The following PDE11A variants were observed in gnomAD, a reference collection of about 807,000 sequenced individuals.
PDE11A encodes the protein dual 3',5'-cyclic-AMP and -GMP phosphodiesterase 11A.
A neutral mutation model predicts 100.5 loss-of-function variants in PDE11A; 100 were observed. The ratio of observed to expected loss-of-function variants is 1.00; its 90% CI spans 0.85 to 1.18. The LOEUF (loss-of-function observed/expected upper bound fraction) is 1.18, where lower values mean the gene tolerates loss of function less well. Ranked by LOEUF, PDE11A falls within the 50% of genes most tolerant of loss-of-function variation. The pLI is 0.00. For missense variants in PDE11A, 1,141 were observed against 1,152.6 expected, an observed-to-expected ratio of 0.99 and a Z score of 0.15; for synonymous variants, 381 against 420.8, an observed-to-expected ratio of 0.91 and a Z score of 1.16.
intron 19 of PDE11A, among the ~76,000 whole-genome samples, chr2:177,659,261 CAG>C (rs766259070): frequency 1.6e-3 from 211 of 128,786 alleles, no homozygotes; most frequent in Non-Finnish European, 2.3e-3. Flanking sequence ...AATTCTATCT[CAG>C]GGGGAAAAAA....
chr2:177,750,634 G>C (rs990263966), intron 10 of PDE11A, among the ~76,000 whole-genome samples: 11 of 152,204 alleles, frequency 7.2e-5, no homozygotes, highest in African/African-American at 2.4e-4. Flanking sequence ...CCAGCTGATG[G>C]GCTTTGTAAA....
At chr2:177,853,014 C>A (rs2083742022) in intron 5 of PDE11A, among the ~76,000 whole-genome samples, 1 of 152,164 alleles carries the variant, frequency 6.6e-6, no homozygotes, top group African/African-American at 2.4e-5. Flanking sequence ...GCCGGTGTCA[C>A]TGTGCAGTTG....
At chr2:177,715,503 G>GT (rs943733577) in intron 12 of PDE11A, among the ~76,000 whole-genome samples, 6 of 150,988 alleles carry the variant, frequency 4.0e-5, no homozygotes, top group Non-Finnish European at 8.8e-5. Context: ...CTCTTCAGGA[G>GT]TTTTTTTCTG....
At chr2:177,921,277 T>C (rs916210141) in intron 2 of PDE11A, among the ~76,000 whole-genome samples, 1 of 151,672 alleles carries the variant, frequency 6.6e-6, no homozygotes, top group African/African-American at 2.4e-5. Flanking sequence ...TATTTTCCTA[T>C]AGATATACAG....
intron 1 of PDE11A, among the ~76,000 whole-genome samples, chr2:178,042,477 CAAA>C (rs11291265): frequency 5.3e-4 from 73 of 138,520 alleles, no homozygotes; most frequent in Non-Finnish European, 5.8e-4. Context: ...GACTCTGTCT[CAAA>C]AAAAAAAAAA....
chr2:177,783,117 A>G (rs2082476875), intron 9 of PDE11A, among the ~76,000 whole-genome samples: 1 of 151,884 alleles, frequency 6.6e-6, no homozygotes. Flanking sequence ...CCCCCTCCCT[A>G]TATTCAAATG....
At chr2:177,918,503 C>T (rs1422482990) in intron 2 of PDE11A, among the ~76,000 whole-genome samples, 1 of 151,990 alleles carries the variant, frequency 6.6e-6, no homozygotes, top group African/African-American at 2.4e-5. Flanking sequence ...AATGAGAAAA[C>T]AACCATTAGA....
At chr2:177,742,992 C>T (rs1276291161) in intron 10 of PDE11A, among the ~76,000 whole-genome samples, 1 of 152,240 alleles carries the variant, frequency 6.6e-6, no homozygotes, top group African/African-American at 2.4e-5. Flanking sequence ...TAAATATCAG[C>T]TGCTTTTCCT....
intron 9 of PDE11A, among the ~76,000 whole-genome samples, chr2:177,788,377 G>A (rs1320723456): frequency 5.4e-5 from 8 of 148,412 alleles, no homozygotes; most frequent in Non-Finnish European, 8.9e-5. Flanking sequence ...TCTCTGGGAC[G>A]CATTCAAAGC....
chr2:177,706,106 C>A (rs1466246182), intron 13 of PDE11A, among the ~76,000 whole-genome samples: 1 of 152,104 alleles, frequency 6.6e-6, no homozygotes, highest in Non-Finnish European at 1.5e-5. Flanking sequence ...AAATTAAGAA[C>A]AAAATATGAA....
In PDE11A at chr2:177,898,056, A is replaced by G; in HGVS notation, c.1302+2T>C. 6.2e-7 allele frequency: 1 copy of G among 1,607,034 alleles called. No individual in the cohort carries two copies. Among genetic ancestry groups the G allele is most frequent in the Middle Eastern group, 1.7e-4 (1 of 6,048 alleles). Reference sequence around the variant, plus strand: ...AACTTTAAAAGATAAAAGATAACTTACTGGTGATTCGATGTCCTCTAGGAG... The same window carrying G: ...AACTTTAAAAGATAAAAGATAACTTGCTGGTGATTCGATGTCCTCTAGGAG... On this transcript the variant is annotated splice_donor_variant, in intron 4 of 19. Coordinates refer to ENST00000286063, the MANE Select transcript of PDE11A (RefSeq NM_016953.4). LOFTEE classifies it high-confidence loss of function.
At chr2:177,827,033 C>G (rs1279361877) in intron 6 of PDE11A, among the ~76,000 whole-genome samples, 1 of 152,190 alleles carries the variant, frequency 6.6e-6, no homozygotes, top group Non-Finnish European at 1.5e-5. Context: ...CCTGTCCTGC[C>G]AGGCTAGCTC....
intron 10 of PDE11A, among the ~76,000 whole-genome samples, chr2:177,765,689 C>G (rs114074451): frequency 4.4e-4 from 67 of 152,290 alleles, no homozygotes; most frequent in Non-Finnish European, 7.5e-4. Flanking sequence ...TGTTTACTCA[C>G]GTTCTGAGCT....
intron 2 of PDE11A, among the ~76,000 whole-genome samples, chr2:178,003,181 A>G (rs2086165413): frequency 6.6e-6 from 1 of 152,198 alleles, no homozygotes; most frequent in Non-Finnish European, 1.5e-5. Flanking sequence ...TTATGACCCA[A>G]CAATTCAATT....
intron 2 of PDE11A, among the ~76,000 whole-genome samples, chr2:177,928,427 G>A (rs370011719): frequency 5.6e-4 from 86 of 152,322 alleles, no homozygotes; most frequent in African/African-American, 2.0e-3. Context: ...GAGCCCAGGT[G>A]TTCAAAGCTG....
At chr2:177,662,953 C>T (rs4893977) in intron 19 of PDE11A, among the ~76,000 whole-genome samples, 117,588 of 152,116 alleles carry the variant, frequency 0.77, 46,110 homozygotes, top group East Asian at 0.89. Flanking sequence ...AACAATACTG[C>T]GTTTTTAATG....
At chr2:177,700,494 T>C (rs1461197795) in intron 14 of PDE11A, among the ~76,000 whole-genome samples, 1 of 151,894 alleles carries the variant, frequency 6.6e-6, no homozygotes, top group Non-Finnish European at 1.5e-5. Flanking sequence ...CAGACTCAGT[T>C]AGTGGTTTCT....
intron 2 of PDE11A, among the ~76,000 whole-genome samples, chr2:178,001,950 G>T (rs2086150430): frequency 6.6e-6 from 1 of 151,952 alleles, no homozygotes; most frequent in Non-Finnish European, 1.5e-5. Context: ...GAGTATATAG[G>T]TGAGGTTTGT....
chr2:177,833,819 G>A lies in PDE11A; in HGVS notation c.1500+6432C>T, dbSNP rs554772019. ...GAGGCAGGAGGCAGACAAAGGCGTA[G>A]ACAGATAGAGAAGGATCTCTGGAGA... On this transcript the variant is annotated intron_variant, in intron 6 of 19. Coordinates refer to ENST00000286063, the MANE Select transcript of PDE11A (RefSeq NM_016953.4). Among the ~76,000 whole-genome samples, 3 of 152,338 alleles carry A rather than the reference G, an allele frequency of 2.0e-5. No homozygotes were observed. The East Asian group carries it at 5.8e-4, about 29-fold the overall frequency.
Sources: gnomAD v4.1 joint callset for allele counts (sites outside exome capture counted in the v4.1 genomes callset) on GRCh38, gnomAD v4.1.1 for gene constraint, MANE v1.5 for transcripts, NCBI Gene and HGNC (gene_info 2026-07-23, HGNC 2026-07-21) for gene names.